Variants in GPBP1 observed in about 807,000 individuals in gnomAD.
GPBP1 encodes GC-rich promoter binding protein 1, also known as vasculin.
GPBP1 carries 13 observed loss-of-function variants against 56.5 expected under a neutral mutation model. The ratio of observed to expected loss-of-function variants is 0.23; its 90% CI spans 0.15 to 0.37. GPBP1 has a LOEUF of 0.37. Ranked by LOEUF, GPBP1 falls within the 10% of genes least tolerant of loss-of-function variation. The pLI, the probability that GPBP1 is intolerant of heterozygous loss-of-function variation, is 1.00. For missense variants in GPBP1, 477 were observed against 572.3 expected, an observed-to-expected ratio of 0.83 and a Z score of 1.70; for synonymous variants, 204 against 188.9, an observed-to-expected ratio of 1.08 and a Z score of -0.66.
At chr5:57,224,035 A>G (rs1451638059) in intron 3 of GPBP1, among the ~76,000 whole-genome samples, 2 of 151,454 alleles carry the variant, frequency 1.3e-5, no homozygotes, top group Non-Finnish European at 2.9e-5. Flanking sequence ...GGGTTTCACC[A>G]TGTTAGCCAG....
At chr5:57,261,537 G>A (rs1426145238) in intron 11 of GPBP1, among the ~76,000 whole-genome samples, 1 of 152,166 alleles carries the variant, frequency 6.6e-6, no homozygotes, top group East Asian at 1.9e-4. Context: ...ACTGCACCTG[G>A]TTGAATTGAC....
Position 57,209,762 on chromosome 5 carries a change from C to G in GPBP1, c.-57-4312C>G, listed in dbSNP as rs1755395461. ...ATTAAGATGATCGTTTGGTATTTTT[C>G]TTTCATGTTATTAATGTGGTGTATT... On this transcript the variant is annotated intron_variant, in intron 2 of 11. Transcript: ENST00000506184. Among the ~76,000 whole-genome samples, 3 of 151,944 alleles carry G rather than the reference C, an allele frequency of 2.0e-5. No individual in the cohort carries two copies. The South Asian group carries it at 6.2e-4, about 32-fold the overall frequency.
At chr5:57,218,548 C>CTAT (rs1349190703) in intron 3 of GPBP1, among the ~76,000 whole-genome samples, 1 of 152,086 alleles carries the variant, frequency 6.6e-6, no homozygotes, top group Non-Finnish European at 1.5e-5. Context: ...AGCAATTGGT[C>CTAT]TATGGGTGGT....
At chr5:57,237,076 C>T (rs1231742067) in intron 6 of GPBP1, 1 of 1,432,104 alleles carries the variant, frequency 7.0e-7, no homozygotes, top group South Asian at 1.2e-5. Context: ...ATTGTTTTTT[C>T]TGTATTGCAA....
At chr5:57,199,392 G>C (rs1351156143) in intron 2 of GPBP1, among the ~76,000 whole-genome samples, 1 of 152,180 alleles carries the variant, frequency 6.6e-6, no homozygotes, top group Non-Finnish European at 1.5e-5. Flanking sequence ...GACTGAGGAG[G>C]AGCAGCCATA....
chr5:57,247,284 G>T, intron 8 of GPBP1, 69 bp downstream of exon 8: 3 of 1,238,340 alleles, frequency 2.4e-6, no homozygotes, highest in South Asian at 3.3e-5. Flanking sequence ...GTGAATAAAA[G>T]GTAGAAATTC....
At chr5:57,240,209 C>A (rs917209339) in intron 6 of GPBP1, among the ~76,000 whole-genome samples, 1 of 152,152 alleles carries the variant, frequency 6.6e-6, no homozygotes, top group Admixed American at 6.6e-5. Flanking sequence ...TACGATTGTG[C>A]CGCTGCACTC....
Position 57,249,523 on chromosome 5 carries a change from A to C in GPBP1, c.919A>C (p.Arg307=). 1 of 1,613,482 alleles carries C rather than the reference A, an allele frequency of 6.2e-7. No individual in the cohort carries two copies. The highest frequency in any genetic ancestry group is 8.5e-7 in the Non-Finnish European group (1 of 1,179,780). ...GAGTGAATTTTTGAAAGCATTGAAA[A>C]GAGACAGAGTAGAAGAGGAACATGA... ...KKSEFLKALK[R]DRVEEEHEDE... Residue 307 remains arginine (R), a synonymous_variant, in exon 9 of 12, where the codon AGA becomes CGA. Transcript: ENST00000506184.
At chr5:57,252,939 C>A (rs904657282) in intron 10 of GPBP1, among the ~76,000 whole-genome samples, 2 of 151,384 alleles carry the variant, frequency 1.3e-5, no homozygotes, top group Non-Finnish European at 2.9e-5. Context: ...GAATTCCTGA[C>A]CTCAAGTGAT....
chr5:57,211,472 G>A (rs1252048862), intron 2 of GPBP1, among the ~76,000 whole-genome samples: 1 of 152,174 alleles, frequency 6.6e-6, no homozygotes, highest in East Asian at 1.9e-4. Context: ...ACAGGTGTGA[G>A]CCTCCACACC....
chr5:57,221,631 C>G (rs1270243920), intron 3 of GPBP1, among the ~76,000 whole-genome samples: 1 of 152,024 alleles, frequency 6.6e-6, no homozygotes, highest in East Asian at 1.9e-4. Context: ...TGGAACTTTA[C>G]TATGATGAAT....
chr5:57,209,319 C>T (rs1486035856), intron 2 of GPBP1, among the ~76,000 whole-genome samples: 1 of 152,164 alleles, frequency 6.6e-6, no homozygotes, highest in Non-Finnish European at 1.5e-5. Context: ...ACGACACTGT[C>T]TCACTATGTT....
intron 6 of GPBP1, among the ~76,000 whole-genome samples, chr5:57,244,593 T>C (rs1286016013): frequency 1.3e-5 from 2 of 152,324 alleles, no homozygotes; most frequent in East Asian, 3.9e-4. Flanking sequence ...GCTAAGATTT[T>C]CTCTCACATT....
intron 6 of GPBP1, among the ~76,000 whole-genome samples, chr5:57,243,941 G>C (rs1039169935): frequency 2.0e-5 from 3 of 151,854 alleles, no homozygotes; most frequent in Admixed American, 2.0e-4. Flanking sequence ...CTCCCACCCT[G>C]GTCTCCCAAA....
chr5:57,188,081 A>G (rs986522253), intron 2 of GPBP1, among the ~76,000 whole-genome samples: 1 of 151,796 alleles, frequency 6.6e-6, no homozygotes, highest in Non-Finnish European at 1.5e-5. Context: ...CATCTCTACC[A>G]AAAAATACAA....
In GPBP1 at chr5:57,175,500, C is replaced by T. The variant is rs1387726428; in HGVS notation, c.-958C>T. The stretch of plus-strand genomic sequence containing the variant: ...CATCATCTAGGTTTTGTGTAAAAGG[C>T]CCTGGATATTTTAAGTGGCCATTTT... On this transcript the variant is annotated 5_prime_UTR_variant, in exon 2 of 12. Coordinates refer to ENST00000506184, the MANE Select transcript of GPBP1 (RefSeq NM_022913.4). 4 of 398,218 alleles carry T rather than the reference C, an allele frequency of 1.0e-5. No homozygotes were observed. Among genetic ancestry groups the T allele is most frequent in the Non-Finnish European group, 1.3e-5 (3 of 226,016 alleles). The allele number at this position is 398,218 out of a possible 1,614,324, so 24.7% of individuals were successfully genotyped here.
At chr5:57,176,621 C>G (rs1561315106) in intron 2 of GPBP1, among the ~76,000 whole-genome samples, 1 of 152,162 alleles carries the variant, frequency 6.6e-6, no homozygotes, top group Non-Finnish European at 1.5e-5. Flanking sequence ...TTCAAACAGT[C>G]CTAAGCTACA....
intron 10 of GPBP1, among the ~76,000 whole-genome samples, chr5:57,256,471 G>A (rs1176241141): frequency 6.6e-6 from 1 of 151,070 alleles, no homozygotes; most frequent in Non-Finnish European, 1.5e-5. Context: ...TTTATATTTA[G>A]GTTACTTTAA....
At chr5:57,202,753 T>TACA (rs1418941456) in intron 2 of GPBP1, among the ~76,000 whole-genome samples, 1 of 152,256 alleles carries the variant, frequency 6.6e-6, no homozygotes, top group Non-Finnish European at 1.5e-5. Flanking sequence ...TGTAAGCTGT[T>TACA]AGAGGCAGGA....
Sources: allele counts gnomAD v4.1 joint callset (sites outside exome capture counted in the v4.1 genomes callset), GRCh38; gene constraint gnomAD v4.1.1; transcripts MANE v1.5; gene names NCBI Gene and HGNC (gene_info 2026-07-23, HGNC 2026-07-21).